TIAM1: variants seen among roughly 807,000 people sequenced by gnomAD.
TIAM1 encodes the protein TIAM Rac1 associated GEF 1.
A neutral mutation model predicts 163.5 loss-of-function variants in TIAM1; 65 were observed. The observed-to-expected ratio is 0.40, with a 90% CI of 0.33 to 0.49. The LOEUF (loss-of-function observed/expected upper bound fraction) is 0.49, where lower values mean the gene tolerates loss of function less well. Ranked by LOEUF, TIAM1 falls within the 20% of genes least tolerant of loss-of-function variation. TIAM1 has a pLI of 0.77. For missense variants in TIAM1, 1,789 were observed against 2,044.7 expected (o/e 0.87, Z 2.41); for synonymous variants, 833 against 810.1 (o/e 1.03, Z -0.48).
intron 1 of TIAM1, among the ~76,000 whole-genome samples, chr21:31,555,914 G>A (rs2048861516): frequency 6.6e-6 from 1 of 152,106 alleles, no homozygotes; most frequent in African/African-American, 2.4e-5. Flanking sequence ...CTGGGGGGAA[G>A]GAGACAGGCC....
chr21:31,409,307 A>G (rs750722125), intron 2 of TIAM1, among the ~76,000 whole-genome samples: 3 of 152,058 alleles, frequency 2.0e-5, no homozygotes, highest in Middle Eastern at 3.4e-3. Context: ...ACGGGGTTTC[A>G]CTATGTTGGC....
At chr21:31,385,714 A>G (rs1409595708) in intron 2 of TIAM1, among the ~76,000 whole-genome samples, 2 of 129,320 alleles carry the variant, frequency 1.5e-5, no homozygotes, top group African/African-American at 3.0e-5. Flanking sequence ...GCACTGGAAG[A>G]TTTAAAAAAA....
At chr21:31,541,816 T>C (rs1449181858) in intron 1 of TIAM1, among the ~76,000 whole-genome samples, 1 of 152,266 alleles carries the variant, frequency 6.6e-6, no homozygotes, top group Admixed American at 6.5e-5. Context: ...CATTTTATTG[T>C]TCTTACAAAA....
At chr21:31,423,697 T>A in intron 2 of TIAM1, among the ~76,000 whole-genome samples, 3 of 72,392 alleles carry the variant, frequency 4.1e-5, no homozygotes, top group South Asian at 4.6e-4. Context: ...TCCTAGAAAG[T>A]TGTAAAAAAA....
intron 16 of TIAM1, 44 bp from the exon 17 acceptor site, chr21:31,154,470 TC>T: frequency 6.3e-7 from 1 of 1,585,728 alleles, no homozygotes; most frequent in South Asian, 1.1e-5. Context: ...TCATTATCCC[TC>T]ATTAGACGCA....
intron 1 of TIAM1, among the ~76,000 whole-genome samples, chr21:31,487,000 G>A (rs1214831645): frequency 6.6e-6 from 1 of 152,176 alleles, no homozygotes; most frequent in African/African-American, 2.4e-5. Flanking sequence ...TCCTTGGAAT[G>A]TGGGATGGCA....
At chr21:31,442,241 T>G (rs555696411) in intron 2 of TIAM1, among the ~76,000 whole-genome samples, 1 of 145,846 alleles carries the variant, frequency 6.9e-6, no homozygotes, top group East Asian at 2.0e-4. Context: ...AGTTTTTTTT[T>G]TTTTTTTTTG....
intron 16 of TIAM1, among the ~76,000 whole-genome samples, chr21:31,159,913 C>T (rs2083822857): frequency 6.6e-6 from 1 of 152,172 alleles, no homozygotes. Flanking sequence ...ACCAGTAACA[C>T]GTCCCCTGAG....
intron 2 of TIAM1, among the ~76,000 whole-genome samples, chr21:31,361,840 G>GATAA (rs2147136836): frequency 7.4e-6 from 1 of 135,094 alleles, no homozygotes; most frequent in Non-Finnish European, 1.7e-5. Flanking sequence ...AGAAAGATTA[G>GATAA]ATAGATAGAT....
upstream of TIAM1, chr21:31,344,314 G>C (rs977988694): frequency 1.3e-5 from 2 of 152,140 alleles, no homozygotes. Context: ...GAGAGGGTTG[G>C]TCGCTCCTCC....
In TIAM1 at chr21:31,314,130, C is replaced by T. The variant is rs888220723; in HGVS notation, c.-189+25113G>A. On this transcript the variant is annotated intron_variant, in intron 2 of 27. Coordinates refer to ENST00000541036, the MANE Select transcript of TIAM1 (RefSeq NM_001353694.2). Reference sequence around the variant, plus strand: ...CCCAACAATCCAGAGAGAAAAATATCATTATTATCAGGACCATTTCTCACT... The same window carrying T: ...CCCAACAATCCAGAGAGAAAAATATTATTATTATCAGGACCATTTCTCACT... Among the ~76,000 whole-genome samples the T allele has an allele frequency of 2.0e-4, 31 of 152,128 alleles. 1 individual carries two copies. The highest frequency in any genetic ancestry group is 3.1e-4 in the Non-Finnish European group (21 of 68,024).
chr21:31,293,277 T>C (rs1319249358), intron 2 of TIAM1, among the ~76,000 whole-genome samples: 1 of 152,182 alleles, frequency 6.6e-6, no homozygotes, highest in Non-Finnish European at 1.5e-5. Context: ...GGGACCTCAG[T>C]CTTCTGTCTT....
chr21:31,341,218 C>T (rs753458642), intron 1 of TIAM1, among the ~76,000 whole-genome samples: 17 of 152,142 alleles, frequency 1.1e-4, no homozygotes, highest in South Asian at 2.1e-4. Flanking sequence ...TCTCATTATA[C>T]GCTGAATTCA....
At chr21:31,247,811 G>T (rs79915190) in intron 5 of TIAM1, among the ~76,000 whole-genome samples, 1 of 152,106 alleles carries the variant, frequency 6.6e-6, no homozygotes, top group African/African-American at 2.4e-5. Flanking sequence ...GGATCTCAAG[G>T]CTTTTCAGGA....
intron 1 of TIAM1, among the ~76,000 whole-genome samples, chr21:31,476,832 C>T (rs2045949136): frequency 6.6e-6 from 1 of 152,190 alleles, no homozygotes; most frequent in Non-Finnish European, 1.5e-5. Flanking sequence ...ATGTTGCCGG[C>T]TGCTATGAAT....
chr21:31,410,646 G>A (rs536597719), intron 2 of TIAM1, among the ~76,000 whole-genome samples: 1 of 151,850 alleles, frequency 6.6e-6, no homozygotes, highest in East Asian at 1.9e-4. Flanking sequence ...CTATGTGTAA[G>A]TGTGTGTGCT....
rs1447073780 is a variant in TIAM1, at chr21:31,154,307, A to G, written c.3111T>C (p.Asp1037=). 1.2e-6 allele frequency: 2 copies of G among 1,614,150 alleles called. No homozygotes were observed. Among genetic ancestry groups the G allele is most frequent in the Non-Finnish European group, 1.7e-6 (2 of 1,180,028 alleles). The change falls in exon 17 of 28, where the codon GAT becomes GAC. Residue 1037 remains aspartate, a synonymous_variant. Transcript: ENST00000541036. ...PQLATMRQLS[D]ADKLRKVICE... ...AGATCACCTTGCGCAGCTTATCTGC[A>G]TCCGAGAGTTGTCTCATGGTCGCCA...
Position 31,130,112 on chromosome 21 carries a change from A to C in TIAM1, c.4045+101T>G, listed in dbSNP as rs533063850. ...AAGCATAGGGAAAAAAAAAAAAAAA[A>C]GACGGTAGAAGAGTTAGACCAAGAG... is the stretch of plus-strand genomic sequence containing the variant. On this transcript the variant is annotated intron_variant, in intron 25 of 27. Coordinates refer to ENST00000541036, the MANE Select transcript of TIAM1 (RefSeq NM_001353694.2). 380 of 911,694 alleles carry C rather than the reference A, an allele frequency of 4.2e-4. 2 individuals are homozygous for C. The South Asian group carries it at 6.1e-3, about 15-fold the overall frequency. 56.5% of individuals were successfully genotyped at this position (911,694 alleles called of 1,614,324 possible).
intron 2 of TIAM1, among the ~76,000 whole-genome samples, chr21:31,352,136 T>C (rs1335732402): frequency 6.6e-6 from 1 of 151,996 alleles, no homozygotes; most frequent in Non-Finnish European, 1.5e-5. Context: ...TCTGTGAATA[T>C]TCATTGCAGC....
Sources: gnomAD v4.1 joint callset for allele counts (sites outside exome capture counted in the v4.1 genomes callset) on GRCh38, gnomAD v4.1.1 for gene constraint, MANE v1.5 for transcripts, NCBI Gene and HGNC (gene_info 2026-07-23, HGNC 2026-07-21) for gene names.